The following ATP8B2 variants were observed in gnomAD, a reference collection of about 807,000 sequenced individuals.
The protein encoded by ATP8B2 is phospholipid-transporting ATPase ID.
In ATP8B2, 70 loss-of-function variants were observed where a neutral mutation model predicts 133.4. That is an observed-to-expected ratio of 0.52 (90% CI 0.43 to 0.64). The LOEUF is 0.64. Ranked by LOEUF, ATP8B2 falls within the 30% of genes least tolerant of loss-of-function variation. ATP8B2 has a pLI of 0.00. For missense variants in ATP8B2, 1,101 were observed against 1,535.7 expected (o/e 0.72, Z 4.73); for synonymous variants, 517 against 589.5 (o/e 0.88, Z 1.78).
At position 154,349,528 on chromosome 1, in the gene ATP8B2, A is replaced by C; in HGVS notation, c.*410A>C. On this transcript the variant is annotated 3_prime_UTR_variant, in exon 28 of 28. Coordinates refer to ENST00000368489, the MANE Select transcript of ATP8B2 (RefSeq NM_001370597.1). Reference sequence around the variant, plus strand: ...GCCTCTGTTCCTGAATTACATAAGAATGTACCATGCCGGGAAGCCAGAGAC... The same window carrying C: ...GCCTCTGTTCCTGAATTACATAAGACTGTACCATGCCGGGAAGCCAGAGAC... 1 of 188,784 alleles carries C rather than the reference A, an allele frequency of 5.3e-6. No individual in the cohort carries two copies. The highest frequency in any genetic ancestry group is 5.3e-5 in the Admixed American group (1 of 18,916). The allele number at this position is 188,784 out of a possible 1,614,324, so 11.7% of individuals were successfully genotyped here. A position where few individuals can be genotyped will look rare whatever the true frequency, so the allele number is the denominator to read the frequency against.
chr1:154,339,793 C>G (rs539864372), intron 12 of ATP8B2, among the ~76,000 whole-genome samples: 1 of 152,156 alleles, frequency 6.6e-6, no homozygotes, highest in African/African-American at 2.4e-5. Flanking sequence ...CCCCATTGCT[C>G]GGCTGCACTG....
At position 154,345,334 on chromosome 1, in the gene ATP8B2, G is replaced by T. The variant is rs1484991458; in HGVS notation, c.2483G>T (p.Gly828Val). The T allele has an allele frequency of 6.2e-7, 1 of 1,613,976 alleles. No homozygotes were observed. The highest frequency in any genetic ancestry group is 8.5e-7 in the Non-Finnish European group (1 of 1,180,042). ...DVSMIKTAHI[G>V]VGISGQEGIQ... ...CTTGTCTCTGCAGCGGCTCACATTG[G>T]TGTGGGGATCAGTGGGCAGGAAGGG... The change falls in exon 23 of 28, where the codon GGT (glycine) becomes GTT (valine). Residue 828 changes from glycine (G) to valine (V), a missense_variant. Gly to Val is a moderately radical substitution (Grantham distance 109, BLOSUM62 -3). Coordinates refer to ENST00000368489, the MANE Select transcript of ATP8B2 (RefSeq NM_001370597.1). This position sits in a 1 kb window ranked among gnomAD's most constrained non-coding sequence, Gnocchi z 5.6.
chr1:154,332,813 G>C, intron 9 of ATP8B2, 116 bp downstream of exon 9: 1 of 798,120 alleles, frequency 1.3e-6, no homozygotes. Flanking sequence ...CAACTCCCTG[G>C]ACTGTTTTGG....
In ATP8B2 at chr1:154,328,113, A is replaced by G; in HGVS notation, c.-29A>G. 1 of 1,614,092 alleles carries G rather than the reference A, an allele frequency of 6.2e-7. No homozygotes were observed. Among genetic ancestry groups the G allele is most frequent in the Non-Finnish European group, 8.5e-7 (1 of 1,179,974 alleles). ...TCTGTCACTTCTTGCAGGGTCTCCC[A>G]TGGGATTGCTGGGATCTTGCTGGGT... On this transcript the variant is annotated 5_prime_UTR_variant, in exon 2 of 28. An upstream start codon of the reference 5' UTR is lost. Transcript: ENST00000368489. This position sits in a 1 kb window ranked among gnomAD's most constrained non-coding sequence, Gnocchi z 4.6.
rs1331801322 is a variant in ATP8B2 at position 154,350,342 on chromosome 1, T to G, written c.*1224T>G. 6.6e-6 allele frequency: 1 copy of G among 152,218 alleles called. No homozygotes were observed. Among genetic ancestry groups the G allele is most frequent in the Non-Finnish European group, 1.5e-5 (1 of 68,046 alleles). 9.4% of individuals were successfully genotyped at this position (152,218 alleles called of 1,614,324 possible). A position where few individuals can be genotyped will look rare whatever the true frequency, so the allele number is the denominator to read the frequency against. On this transcript the variant is annotated 3_prime_UTR_variant, in exon 28 of 28. Coordinates refer to ENST00000368489, the MANE Select transcript of ATP8B2 (RefSeq NM_001370597.1). ...CCTCAACCTCCCAAAGTGCTGAGAT[T>G]ACAGGCGTGAGCCACCACACCCAGC... is the stretch of plus-strand genomic sequence containing the variant.
At position 154,342,808 on chromosome 1, in the gene ATP8B2, G is replaced by T. The variant is rs1558273662; in HGVS notation, c.1300G>T (p.Val434Phe). The change falls in exon 15 of 28, where the codon GTT (valine) becomes TTT (phenylalanine). Residue 434 changes from valine to phenylalanine, a missense_variant. Physicochemically the swap from Val to Phe is conservative, Grantham distance 50. Coordinates refer to ENST00000368489, the MANE Select transcript of ATP8B2 (RefSeq NM_001370597.1). The part of the protein sequence containing the change: ...KAELGERPEP[V>F]DFSFNPLADK... ...TTATGTGTTTCAGAGGCCTGAACCT[G>T]TTGACTTCTCCTTCAATCCTCTGGC... The T allele has an allele frequency of 6.2e-7, 1 of 1,614,012 alleles. No homozygotes were observed. The highest frequency in any genetic ancestry group is 1.7e-5 in the Admixed American group (1 of 60,010).
rs1449683282 is a variant in ATP8B2, at chr1:154,343,151, G to A, written c.1492G>A (p.Ala498Thr). The A allele has an allele frequency of 6.2e-7, 1 of 1,614,130 alleles. No homozygotes were observed. Among genetic ancestry groups the A allele is most frequent in the Non-Finnish European group, 8.5e-7 (1 of 1,180,034 alleles). ...YYKAQSPDEGALVTAARNFGF... is the reference protein window; with the variant it reads ...YYKAQSPDEGTLVTAARNFGF... ...CAAAGCTCAGTCCCCAGATGAGGGGGCCCTGGTCACCGCAGCCAGGAACTT... is the reference window on the plus strand; with the variant it reads ...CAAAGCTCAGTCCCCAGATGAGGGGACCCTGGTCACCGCAGCCAGGAACTT... The change falls in exon 16 of 28, where the codon GCC becomes ACC. Residue 498 changes from alanine to threonine, a missense_variant. By Grantham distance (58) the Ala-to-Thr change is moderately conservative. Coordinates refer to ENST00000368489, the MANE Select transcript of ATP8B2 (RefSeq NM_001370597.1). This position sits in a 1 kb window ranked among gnomAD's most constrained non-coding sequence, Gnocchi z 5.8.
rs1686419785 is a variant in ATP8B2 at position 154,342,488 on chromosome 1, T to A, written c.1252T>A (p.Phe418Ile). The change falls in exon 14 of 28, where the codon TTT (phenylalanine) becomes ATT (isoleucine). Residue 418 changes from phenylalanine (F) to isoleucine (I), a missense_variant. Physicochemically the swap from Phe to Ile is conservative, Grantham distance 21 (BLOSUM62 0). Transcript: ENST00000368489. Reference sequence around the variant, plus strand: ...GCCCTGGCTGTATGTAGGTGATGTGTTTGACGTCCTGGGACACAAAGCTGA... The same window carrying A: ...GCCCTGGCTGTATGTAGGTGATGTGATTGACGTCCTGGGACACAAAGCTGA... ...SINGHSYGDV[F>I]DVLGHKAELG... The A allele has an allele frequency of 6.2e-7, 1 of 1,613,902 alleles. No homozygotes were observed. Among genetic ancestry groups the A allele is most frequent in the African/African-American group, 1.3e-5 (1 of 74,988 alleles).
chr1:154,328,250 G>C lies in ATP8B2; in HGVS notation c.31+78G>C. On this transcript the variant is annotated intron_variant, in intron 2 of 27. Coordinates refer to ENST00000368489, the MANE Select transcript of ATP8B2 (RefSeq NM_001370597.1). The surrounding 1 kb of genome is among the most constrained non-coding windows in gnomAD (Gnocchi z 4.6). ...TATGGCTCAGGGAGCAAAAGGAAAA[G>C]GGACAACTGGTATGGGTCTGAGGGA... 1 of 1,450,188 alleles carries C rather than the reference G, an allele frequency of 6.9e-7. No individual in the cohort carries two copies. Among genetic ancestry groups the C allele is most frequent in the Non-Finnish European group, 9.7e-7 (1 of 1,032,742 alleles). The allele number at this position is 1,450,188 out of a possible 1,614,324, so 89.8% of individuals were successfully genotyped here.
At chr1:154,336,074 T>C (rs1686171143) in intron 11 of ATP8B2, among the ~76,000 whole-genome samples, 1 of 150,880 alleles carries the variant, frequency 6.6e-6, no homozygotes, top group African/African-American at 2.4e-5. Flanking sequence ...CTATGTGAGA[T>C]AGTGAACATT....
In ATP8B2 at chr1:154,334,237, G is replaced by A. The variant is rs1467798546; in HGVS notation, c.720G>A (p.Glu240=). ...GGGGCTGTGTGCTGCGAAACACCGAGTGGTGCTTCGGGCTGGTCATCTTTG... is the reference window on the plus strand; with the variant it reads ...GGGGCTGTGTGCTGCGAAACACCGAATGGTGCTTCGGGCTGGTCATCTTTG... ...LLRGCVLRNT[E]WCFGLVIFAG... The change falls in exon 10 of 28, where the codon GAG becomes GAA. Residue 240 remains glutamate, a synonymous_variant. Transcript: ENST00000368489. The surrounding 1 kb of genome is among the most constrained non-coding windows in gnomAD (Gnocchi z 4.6). 1.2e-6 allele frequency: 2 copies of A among 1,614,070 alleles called. No homozygotes were observed. Among genetic ancestry groups the A allele is most frequent in the Non-Finnish European group, 1.7e-6 (2 of 1,180,038 alleles).
At position 154,331,025 on chromosome 1, in the gene ATP8B2, A is replaced by G. The variant is rs1685970801; in HGVS notation, c.205-23A>G. The G allele has an allele frequency of 6.2e-7, 1 of 1,608,492 alleles. No individual in the cohort carries two copies. On this transcript the variant is annotated intron_variant, in intron 4 of 27. Coordinates refer to ENST00000368489, the MANE Select transcript of ATP8B2 (RefSeq NM_001370597.1). This position sits in a 1 kb window ranked among gnomAD's most constrained non-coding sequence, Gnocchi z 4.8. ...AGGCATCAGATGGGGCCTCAGAGGCATACTTCTCTTTCTTTTTTTCAGTTG... is the reference window on the plus strand; with the variant it reads ...AGGCATCAGATGGGGCCTCAGAGGCGTACTTCTCTTTCTTTTTTTCAGTTG...
In ATP8B2 at chr1:154,345,860, C is replaced by T; in HGVS notation, c.2755C>T (p.Leu919=). ...CATCGTGTACACCTCCCTGCCAGTC[C>T]TGGCTATGGGGGTCTTTGATCAGGT... ...YNIVYTSLPV[L]AMGVFDQDVP... Residue 919 remains leucine, a synonymous_variant, in exon 24 of 28, where the codon CTG becomes TTG. Coordinates refer to ENST00000368489, the MANE Select transcript of ATP8B2 (RefSeq NM_001370597.1). This position sits in a 1 kb window ranked among gnomAD's most constrained non-coding sequence, Gnocchi z 5.6. 1 of 1,613,132 alleles carries T rather than the reference C, an allele frequency of 6.2e-7. No individual in the cohort carries two copies. Among genetic ancestry groups the T allele is most frequent in the Non-Finnish European group, 8.5e-7 (1 of 1,179,070 alleles).
At chr1:154,348,358 G>A in intron 26 of ATP8B2, 50 bp from the exon 27 acceptor site, 1 of 1,560,460 alleles carries the variant, frequency 6.4e-7, no homozygotes, top group Non-Finnish European at 8.7e-7. Context: ...TGGGAACGGG[G>A]AATGTCTGCC....
Position 154,334,312 on chromosome 1 carries a change from C to T in ATP8B2, c.748+47C>T. On this transcript the variant is annotated intron_variant, in intron 10 of 27. Transcript: ENST00000368489. This position sits in a 1 kb window ranked among gnomAD's most constrained non-coding sequence, Gnocchi z 4.6. ...GAAAGAAGGGTAAGAGTGACTCAGC[C>T]AGCCCTCACTCAGGAGTATGGGATG... 6.2e-7 allele frequency: 1 copy of T among 1,604,120 alleles called. No individual in the cohort carries two copies. The highest frequency in any genetic ancestry group is 8.5e-7 in the Non-Finnish European group (1 of 1,172,346).
rs1179037241 is a variant in ATP8B2, at chr1:154,334,388, C to CT, written c.749-113dup. On this transcript the variant is annotated intron_variant, in intron 10 of 27. Transcript: ENST00000368489. The surrounding 1 kb of genome is among the most constrained non-coding windows in gnomAD (Gnocchi z 4.6). ...AACCTCCAGCTGTGTATACAGGCTT[C>CT]TTATCTAGCCAGTATCTCTATTCCA... 6.7e-7 allele frequency: 1 copy of CT among 1,501,098 alleles called. No homozygotes were observed. Among genetic ancestry groups the CT allele is most frequent in the Non-Finnish European group, 9.2e-7 (1 of 1,091,686 alleles). The allele number at this position is 1,501,098 out of a possible 1,614,324, so 93.0% of individuals were successfully genotyped here. A position where few individuals can be genotyped will look rare whatever the true frequency, so the allele number is the denominator to read the frequency against.
chr1:154,331,307 G>A lies in ATP8B2; in HGVS notation c.304-137G>A, dbSNP rs147889978. 25,653 of 1,151,456 alleles carry A rather than the reference G, an allele frequency of 0.022. 393 individuals are homozygous for A. Among genetic ancestry groups the A allele is most frequent in the Non-Finnish European group, 0.027 (21,086 of 784,312 alleles). 71.3% of individuals were successfully genotyped at this position (1,151,456 alleles called of 1,614,324 possible). A position where few individuals can be genotyped will look rare whatever the true frequency, so the allele number is the denominator to read the frequency against. Reference sequence around the variant, plus strand: ...ATGATGTCTTTTTGCTGAGCGTGGGGAGAGGGAATCAGGGAGTGAACTGGT... The same window carrying A: ...ATGATGTCTTTTTGCTGAGCGTGGGAAGAGGGAATCAGGGAGTGAACTGGT... On this transcript the variant is annotated intron_variant, in intron 5 of 27. Coordinates refer to ENST00000368489, the MANE Select transcript of ATP8B2 (RefSeq NM_001370597.1). This position sits in a 1 kb window ranked among gnomAD's most constrained non-coding sequence, Gnocchi z 4.8.
rs1285628576 is a variant in ATP8B2, at chr1:154,327,919, G to A, written c.-37-186G>A. ...GTCACCCAAGGCAGGGGCATGATGGGAGGTGGTGGGGAAGTCCCCTCTTTC... is the reference window on the plus strand; with the variant it reads ...GTCACCCAAGGCAGGGGCATGATGGAAGGTGGTGGGGAAGTCCCCTCTTTC... On this transcript the variant is annotated intron_variant, in intron 1 of 27. Transcript: ENST00000368489. 2.5e-6 allele frequency: 4 copies of A among 1,575,794 alleles called. No homozygotes were observed. In the African/African-American group the frequency reaches 5.4e-5, roughly 21 times the overall value.
Position 154,348,413 on chromosome 1 carries a change from G to A in ATP8B2, c.3169G>A (p.Ala1057Thr). 6.2e-7 allele frequency: 1 copy of A among 1,606,248 alleles called. No homozygotes were observed. Among genetic ancestry groups the A allele is most frequent in the Non-Finnish European group, 8.5e-7 (1 of 1,173,724 alleles). The change falls in exon 27 of 28, where the codon GCC becomes ACC. Residue 1057 changes from alanine (A) to threonine (T), a missense_variant. Physicochemically the swap from Ala to Thr is moderately conservative, Grantham distance 58. Transcript: ENST00000368489. ...FPNQFRFVGN[A>T]QNTLAQPTVW... The stretch of plus-strand genomic sequence containing the variant: ...TGACTCCTCTTCATCCCCAGGGAAT[G>A]CCCAGAACACCTTGGCCCAGCCCAC...
Sources: allele counts gnomAD v4.1 joint callset (sites outside exome capture counted in the v4.1 genomes callset), GRCh38; gene constraint gnomAD v4.1.1; non-coding constraint Gnocchi (gnomAD v3.1); transcripts MANE v1.5; gene names NCBI Gene and HGNC (gene_info 2026-07-23, HGNC 2026-07-21).